The following TRPS1 variants were observed in gnomAD, a reference collection of about 807,000 sequenced individuals.
The protein encoded by TRPS1 is transcriptional repressor GATA binding 1, also known as zinc finger transcription factor Trps1.
A neutral mutation model predicts 101.2 loss-of-function variants in TRPS1; 6 were observed. The ratio of observed to expected loss-of-function variants is 0.06; its 90% confidence interval spans 0.03 to 0.12. The LOEUF is 0.12. Among genes scored for constraint, TRPS1 ranks in the 10% least tolerant of loss-of-function variants. The pLI is 1.00. For synonymous variants in TRPS1, 578 were observed against 589.8 expected, an observed-to-expected ratio of 0.98 and a Z score of 0.29; for missense variants, 1,363 against 1,567.0, an observed-to-expected ratio of 0.87 and a Z score of 2.20.
At chr8:115,539,188 C>T (rs1030640649) in intron 5 of TRPS1, among the ~76,000 whole-genome samples, 1 of 152,136 alleles carries the variant, frequency 6.6e-6, no homozygotes, top group Admixed American at 6.5e-5. Flanking sequence ...CTTCCCTAGG[C>T]TAGTGCAGGA....
In TRPS1 at chr8:115,418,982, A is replaced by T. The variant is rs897475019; in HGVS notation, c.2701-530T>A. On this transcript the variant is annotated intron_variant, in intron 5 of 6. Coordinates refer to ENST00000395715, the MANE Select transcript of TRPS1 (RefSeq NM_014112.5). The surrounding 1 kb of genome is among the most constrained non-coding windows in gnomAD (Gnocchi z 4.3). The stretch of plus-strand genomic sequence containing the variant: ...ACTCAATTCTGGTCTTTCGTTTGCA[A>T]TTGTAAAATCTGAAAGATTCCTCTA... Among the ~76,000 whole-genome samples, 1 of 152,180 alleles carries T rather than the reference A, an allele frequency of 6.6e-6. No homozygotes were observed. Among genetic ancestry groups the T allele is most frequent in the Non-Finnish European group, 1.5e-5 (1 of 68,038 alleles).
chr8:115,644,759 TGAAAC>T (rs1818982980), intron 1 of TRPS1, among the ~76,000 whole-genome samples: 1 of 152,218 alleles, frequency 6.6e-6, no homozygotes, highest in African/African-American at 2.4e-5. Flanking sequence ...GTGAGAGACA[TGAAAC>T]CCTTCTTTTC....
chr8:115,444,652 T>C (rs1414650471), intron 5 of TRPS1, among the ~76,000 whole-genome samples: 1 of 152,240 alleles, frequency 6.6e-6, no homozygotes, highest in Non-Finnish European at 1.5e-5. Flanking sequence ...CTCCCCAGTA[T>C]GTCTTTCAAA....
intron 5 of TRPS1, among the ~76,000 whole-genome samples, chr8:115,477,492 T>C (rs1051913258): frequency 6.6e-6 from 1 of 152,220 alleles, no homozygotes; most frequent in African/African-American, 2.4e-5. Flanking sequence ...TATCCCATGA[T>C]TTCTTCACAG....
intron 1 of TRPS1, among the ~76,000 whole-genome samples, chr8:115,646,534 G>C (rs747256140): frequency 6.6e-6 from 1 of 152,122 alleles, no homozygotes; most frequent in Non-Finnish European, 1.5e-5. Flanking sequence ...AAAAAGTTTA[G>C]AAAATACTGT....
intron 1 of TRPS1, among the ~76,000 whole-genome samples, chr8:115,651,389 AC>A (rs1811556643): frequency 6.6e-6 from 1 of 152,190 alleles, no homozygotes; most frequent in African/African-American, 2.4e-5. Flanking sequence ...ACATCAAGAA[AC>A]ATCTAGAACT....
rs567600358 is a variant in TRPS1 at position 115,410,448 on chromosome 8, A to G, written c.*3575T>C. ...AAATCTACCTTCACTAAAACAGAAC[A>G]GTTTAGAACAGAACATCACTATCTT... On this transcript the variant is annotated 3_prime_UTR_variant, in exon 7 of 7. Transcript: ENST00000395715. The G allele has an allele frequency of 6.6e-6, 1 of 152,492 alleles. No homozygotes were observed. Among genetic ancestry groups the G allele is most frequent in the Non-Finnish European group, 1.5e-5 (1 of 67,974 alleles). 9.4% of individuals were successfully genotyped at this position (152,492 alleles called of 1,614,324 possible). A position where few individuals can be genotyped will look rare whatever the true frequency, so the allele number is the denominator to read the frequency against.
chr8:115,533,436 G>GTTTTTTTTTTT (rs1161916592), intron 5 of TRPS1, among the ~76,000 whole-genome samples: 3,228 of 34,840 alleles, frequency 0.093, 998 homozygotes, highest in Non-Finnish European at 0.12. Flanking sequence ...CATGTAATCT[G>GTTTTTTTTTTT]TTTTTTTTTT....
At chr8:115,559,798 C>T (rs1816905942) in intron 5 of TRPS1, among the ~76,000 whole-genome samples, 1 of 152,074 alleles carries the variant, frequency 6.6e-6, no homozygotes, top group Admixed American at 6.6e-5. Context: ...AATGCACTTT[C>T]CCCCAGGTGT....
intron 4 of TRPS1, among the ~76,000 whole-genome samples, chr8:115,599,719 T>C (rs113582422): frequency 9.2e-4 from 140 of 152,314 alleles, no homozygotes; most frequent in African/African-American, 3.2e-3. Flanking sequence ...ATGTGCCACA[T>C]TTTCTTTATC....
chr8:115,572,474 T>A (rs575595560), intron 5 of TRPS1, among the ~76,000 whole-genome samples: 1 of 152,142 alleles, frequency 6.6e-6, no homozygotes, highest in Non-Finnish European at 1.5e-5. Flanking sequence ...ATTGTTGTTG[T>A]TTTTTCTCAC....
chr8:115,494,009 G>A (rs1042806902), intron 5 of TRPS1, among the ~76,000 whole-genome samples: 2 of 151,980 alleles, frequency 1.3e-5, no homozygotes, highest in African/African-American at 4.8e-5. Flanking sequence ...AAATATATTC[G>A]ATCATTTCAT....
chr8:115,625,925 A>G (rs531050226), intron 1 of TRPS1, among the ~76,000 whole-genome samples: 4 of 151,756 alleles, frequency 2.6e-5, no homozygotes, highest in African/African-American at 4.8e-5. Flanking sequence ...TTGTTTTTCC[A>G]GCTTATAAAA....
intron 1 of TRPS1, among the ~76,000 whole-genome samples, chr8:115,626,641 T>C (rs1217341596): frequency 6.6e-6 from 1 of 151,754 alleles, no homozygotes; most frequent in Non-Finnish European, 1.5e-5. Flanking sequence ...TCAAACAACT[T>C]CCACCAAATA....
chr8:115,454,114 C>T lies in TRPS1; in HGVS notation c.2701-35662G>A, dbSNP rs540165344. On this transcript the variant is annotated intron_variant, in intron 5 of 6. Coordinates refer to ENST00000395715, the MANE Select transcript of TRPS1 (RefSeq NM_014112.5). The stretch of plus-strand genomic sequence containing the variant: ...TGGGGTCTACTTATCTACTTTTTAA[C>T]CTCCCTACACCCCACAATTTTACAG... Among the ~76,000 whole-genome samples, 8 of 152,152 alleles carry T rather than the reference C, an allele frequency of 5.3e-5. No homozygotes were observed. In the South Asian group the frequency reaches 1.7e-3, roughly 32 times the overall value.
chr8:115,433,745 CTT>C (rs1007831490), intron 5 of TRPS1, among the ~76,000 whole-genome samples: 5 of 152,242 alleles, frequency 3.3e-5, no homozygotes, highest in Admixed American at 2.6e-4. Flanking sequence ...CAATTACACT[CTT>C]AATACATTAA....
chr8:115,633,758 T>G (rs1436689832), intron 1 of TRPS1, among the ~76,000 whole-genome samples: 1 of 152,194 alleles, frequency 6.6e-6, no homozygotes, highest in Non-Finnish European at 1.5e-5. Flanking sequence ...ATAAATGCTG[T>G]GTTTACATGA....
chr8:115,628,624 C>T (rs1319026148), intron 1 of TRPS1, among the ~76,000 whole-genome samples: 3 of 151,612 alleles, frequency 2.0e-5, no homozygotes, highest in African/African-American at 7.3e-5. Context: ...ACATATAATC[C>T]GTTCATAATT....
chr8:115,463,520 T>C (rs781328560), intron 5 of TRPS1, among the ~76,000 whole-genome samples: 1 of 152,094 alleles, frequency 6.6e-6, no homozygotes, highest in Non-Finnish European at 1.5e-5. Flanking sequence ...GGGGACCTCA[T>C]GGAGTGGTGC....
Sources: gnomAD v4.1 joint callset for allele counts (sites outside exome capture counted in the v4.1 genomes callset) on GRCh38, gnomAD v4.1.1 for gene constraint, Gnocchi (gnomAD v3.1) non-coding constraint, MANE v1.5 for transcripts, NCBI Gene and HGNC (gene_info 2026-07-23, HGNC 2026-07-21) for gene names.